Variants in CENPE observed in about 807,000 individuals in gnomAD.
CENPE encodes centromere-associated protein E.
CENPE carries 145 observed loss-of-function variants against 336.1 expected under a neutral mutation model. That is an observed-to-expected ratio of 0.43 (90% confidence interval 0.38 to 0.50). CENPE has a LOEUF of 0.50. Ranked by LOEUF, CENPE falls within the 20% of genes least tolerant of loss-of-function variation. CENPE has a pLI of 0.00. For missense variants in CENPE, 2,719 were observed against 3,023.3 expected (o/e 0.90, Z 2.36); for synonymous variants, 1,013 against 984.8 (o/e 1.03, Z -0.54).
chr4:103,137,999 G>A (rs779088422), intron 39 of CENPE, among the ~76,000 whole-genome samples: 1 of 151,988 alleles, frequency 6.6e-6, no homozygotes. Context: ...CCCTCTTTTC[G>A]ATATTCCTTG....
intron 43 of CENPE, among the ~76,000 whole-genome samples, chr4:103,122,288 T>A (rs1349405651): frequency 6.6e-6 from 1 of 152,220 alleles, no homozygotes; most frequent in Non-Finnish European, 1.5e-5. Flanking sequence ...CAAGTCGTTT[T>A]GTGTGCTAAC....
Position 103,114,545 on chromosome 4 carries a change from C to T in CENPE, c.7450G>A (p.Ala2484Thr). 6.3e-7 allele frequency: 1 copy of T among 1,594,420 alleles called. No homozygotes were observed. Among genetic ancestry groups the T allele is most frequent in the East Asian group, 2.2e-5 (1 of 44,786 alleles). Residue 2484 changes from alanine (A) to threonine (T), a missense_variant, in exon 46 of 49, where the codon GCT becomes ACT. Ala to Thr is a moderately conservative substitution (Grantham distance 58). Around this residue, in one of 5 missense-constraint regions of CENPE, gnomAD observed 2,437 missense variants for 2,513.3 expected, o/e 0.97. Coordinates refer to ENST00000265148, the MANE Select transcript of CENPE (RefSeq NM_001813.3). The stretch of plus-strand genomic sequence containing the variant: ...TGATATTCTACAGTGGCTTTTGTAG[C>T]ACTGATTCTAACAAAAACAATAAAA... ...NAKEFEKEIS[A>T]TKATVEYQKE...
chr4:103,164,684 T>A (rs1754758991), intron 16 of CENPE, among the ~76,000 whole-genome samples: 1 of 151,952 alleles, frequency 6.6e-6, no homozygotes, highest in Non-Finnish European at 1.5e-5. Context: ...AGGTAATCAA[T>A]ATAAAAAAAA....
chr4:103,120,364 T>C (rs1553924436), intron 43 of CENPE, 31 bp from the exon 44 acceptor site: 9 of 1,551,164 alleles, frequency 5.8e-6, no homozygotes, highest in Middle Eastern at 1.7e-4. Flanking sequence ...TCATAAGCTC[T>C]ATCATCAAGA....
chr4:103,177,414 T>C (rs576132574), intron 13 of CENPE, among the ~76,000 whole-genome samples: 3 of 152,090 alleles, frequency 2.0e-5, no homozygotes, highest in East Asian at 2.0e-4. Flanking sequence ...CCAGGTTTCA[T>C]AGCCACCATT....
At chr4:103,117,960 C>T (rs936886759) in intron 44 of CENPE, among the ~76,000 whole-genome samples, 1 of 152,108 alleles carries the variant, frequency 6.6e-6, no homozygotes, top group Admixed American at 6.5e-5. Flanking sequence ...AATACTATTC[C>T]ACTGTATGAA....
rs148582447 is a variant in CENPE, at chr4:103,110,950, G to T, written c.7602C>A (p.Ser2534Arg). The change falls in exon 47 of 49, where the codon AGC (serine) becomes AGA (arginine). Residue 2534 changes from serine to arginine, a missense_variant. By Grantham distance (110) the Ser-to-Arg change is moderately radical (BLOSUM62 -1). This residue lies in a region of CENPE where 2,437 missense variants were observed against 2,513.3 expected (regional missense o/e 0.97). Coordinates refer to ENST00000265148, the MANE Select transcript of CENPE (RefSeq NM_001813.3). ...GAGCTTTTGTGTTTTGTACAATGCC[G>T]CTGCCACCTCCACAAGTTAAGGGTT... The part of the protein sequence containing the change: ...SNKPLTCGGG[S>R]GIVQNTKALI... The T allele has an allele frequency of 6.2e-7, 1 of 1,610,276 alleles. No individual in the cohort carries two copies. Among genetic ancestry groups the T allele is most frequent in the South Asian group, 1.1e-5 (1 of 90,484 alleles).
At chr4:103,140,231 A>C in intron 37 of CENPE, 25 bp downstream of exon 37, 1 of 1,570,802 alleles carries the variant, frequency 6.4e-7, no homozygotes, top group Non-Finnish European at 8.6e-7. Flanking sequence ...AGTTACTTCC[A>C]AAAGAAGAAC....
Position 103,106,276 on chromosome 4 carries a change from T to C in CENPE, c.8052A>G (p.Pro2684=), listed in dbSNP as rs1055125867. 1.2e-6 allele frequency: 2 copies of C among 1,603,298 alleles called. No individual in the cohort carries two copies. Among genetic ancestry groups the C allele is most frequent in the South Asian group, 1.1e-5 (1 of 88,550 alleles). The part of the protein sequence containing the change: ...NAGAESVDSQ[P]GPWHASSGKD... ...TGCCTGAGGAGGCGTGCCAAGGACC[T>C]GGCTGAGAATCCACACTCTCTGCTC... The change falls in exon 49 of 49, where the codon CCA becomes CCG. Residue 2684 remains proline, a synonymous_variant. Coordinates refer to ENST00000265148, the MANE Select transcript of CENPE (RefSeq NM_001813.3).
Position 103,111,982 on chromosome 4 carries a change from G to A in CENPE, c.7541-971C>T, listed in dbSNP as rs189838770. ...TTGATCTTTATGTACGTGTGTGTGCGTGTGCATGTATATAAATAAGTGTAT... is the reference window on the plus strand; with the variant it reads ...TTGATCTTTATGTACGTGTGTGTGCATGTGCATGTATATAAATAAGTGTAT... On this transcript the variant is annotated intron_variant, in intron 46 of 48. Coordinates refer to ENST00000265148, the MANE Select transcript of CENPE (RefSeq NM_001813.3). Among the ~76,000 whole-genome samples the A allele has an allele frequency of 3.6e-3, 545 of 151,568 alleles. 3 individuals carry two copies. Among genetic ancestry groups the A allele is most frequent in the African/African-American group, 0.011 (471 of 41,336 alleles).
At position 103,191,654 on chromosome 4, in the gene CENPE, G is replaced by C. The variant is rs191937258; in HGVS notation, c.693+2575C>G. Among the ~76,000 whole-genome samples the C allele has an allele frequency of 8.9e-3, 1,295 of 144,888 alleles. 21 individuals carry two copies. The highest frequency in any genetic ancestry group is 0.031 in the African/African-American group (1,218 of 39,224). ...CACACACCGGGGCCTGTTGTGGGGT[G>C]GGGGGAGGGGGGGATAGCATTAGGA... On this transcript the variant is annotated intron_variant, in intron 8 of 48. Coordinates refer to ENST00000265148, the MANE Select transcript of CENPE (RefSeq NM_001813.3).
intron 13 of CENPE, among the ~76,000 whole-genome samples, chr4:103,178,519 T>C (rs955020756): frequency 6.6e-6 from 1 of 152,190 alleles, no homozygotes; most frequent in Non-Finnish European, 1.5e-5. Flanking sequence ...ATTCAAGAGG[T>C]ATTTCTCCTA....
intron 46 of CENPE, among the ~76,000 whole-genome samples, chr4:103,113,724 TA>T (rs939758039): frequency 6.8e-6 from 1 of 147,724 alleles, no homozygotes; most frequent in African/African-American, 2.5e-5. Context: ...TAAGTGTATA[TA>T]TACTTATAAT....
In CENPE at chr4:103,183,202, C is replaced by T. The variant is rs1756473383; in HGVS notation, c.832G>A (p.Gly278Ser). 1 of 1,608,856 alleles carries T rather than the reference C, an allele frequency of 6.2e-7. No individual in the cohort carries two copies. Among genetic ancestry groups the T allele is most frequent in the Non-Finnish European group, 8.5e-7 (1 of 1,176,280 alleles). Residue 278 changes from glycine to serine, a missense_variant and splice_region_variant, in exon 10 of 49, where the codon GGT becomes AGT. By Grantham distance (56) the Gly-to-Ser change is moderately conservative (BLOSUM62 0). Around this residue, in one of 5 missense-constraint regions of CENPE, gnomAD observed 117 missense variants for 215.8 expected, o/e 0.54. Transcript: ENST00000265148. ...VIKKLSDGQV[G>S]GFINYRDSKL... ...AAGTGCACAACGGGATAAACTTACC[C>T]AACTTGTCCATCACTAAGTTTCTTG...
chr4:103,141,951 T>C lies in CENPE; in HGVS notation c.5305-43A>G, dbSNP rs758171270. 3 of 1,190,880 alleles carry C rather than the reference T, an allele frequency of 2.5e-6. No homozygotes were observed. The East Asian group carries it at 7.3e-5, about 29-fold the overall frequency. The allele number at this position is 1,190,880 out of a possible 1,614,324, so 73.8% of individuals were successfully genotyped here. A position where few individuals can be genotyped will look rare whatever the true frequency, so the allele number is the denominator to read the frequency against. On this transcript the variant is annotated intron_variant, in intron 34 of 48. Coordinates refer to ENST00000265148, the MANE Select transcript of CENPE (RefSeq NM_001813.3). ...TTTTAAAAACAGTGACATATCTTAA[T>C]ATTAGTTTTTAAAAAATAAAGTGAT... is the stretch of plus-strand genomic sequence containing the variant.
rs541918280 is a variant in CENPE at position 103,195,212 on chromosome 4, A to G, written c.379T>C (p.Leu127=). The G allele has an allele frequency of 1.3e-6, 2 of 1,577,850 alleles. No homozygotes were observed. The highest frequency in any genetic ancestry group is 2.4e-5 in the South Asian group (2 of 83,416). Residue 127 remains leucine, a synonymous_variant, in exon 5 of 49, where the codon TTA becomes CTA. Coordinates refer to ENST00000265148, the MANE Select transcript of CENPE (RefSeq NM_001813.3). ...TATATTTCCATGTAAGATACACGTA[A>G]GAGAAATTCCCTATCAGGAAACTAG... ...IKKFPDREFL[L]RVSYMEIYNE...
chr4:103,183,341 T>C (rs1394871136), intron 9 of CENPE, 53 bp from the exon 10 acceptor site: 13 of 1,391,148 alleles, frequency 9.3e-6, no homozygotes, highest in Admixed American at 7.1e-5. Context: ...TTCTAGATGA[T>C]AAACTTATTT....
chr4:103,183,687 A>G (rs1756510505), intron 9 of CENPE, among the ~76,000 whole-genome samples: 1 of 152,126 alleles, frequency 6.6e-6, no homozygotes, highest in African/African-American at 2.4e-5. Flanking sequence ...ATATGCTCAC[A>G]CGGTTCAAAA....
chr4:103,163,695 A>C (rs1442591354), intron 16 of CENPE, 142 bp from the exon 17 acceptor site: 1 of 462,960 alleles, frequency 2.2e-6, no homozygotes, highest in Non-Finnish European at 3.9e-6. Context: ...ACTGAGATCA[A>C]TTGTTCAAGC....
Sources: gnomAD v4.1 joint callset for allele counts (sites outside exome capture counted in the v4.1 genomes callset) on GRCh38, gnomAD v4.1.1 for gene constraint, gnomAD v4.1.1 regional missense constraint, MANE v1.5 for transcripts, NCBI Gene and HGNC (gene_info 2026-07-23, HGNC 2026-07-21) for gene names.